Variants in GABPB1 observed in about 807,000 individuals in gnomAD.
The protein encoded by GABPB1 is GA binding protein transcription factor subunit beta 1.
A neutral mutation model predicts 45.9 loss-of-function variants in GABPB1; 15 were observed. The ratio of observed to expected loss-of-function variants is 0.33; its 90% confidence interval spans 0.22 to 0.50. GABPB1 has a LOEUF of 0.50. Ranked by LOEUF, GABPB1 falls within the 20% of genes least tolerant of loss-of-function variation. The pLI, the probability that GABPB1 is intolerant of heterozygous loss-of-function variation, is 0.98. For synonymous variants in GABPB1, 143 were observed against 154.4 expected (o/e 0.93, Z 0.55); for missense variants, 252 against 457.5 (o/e 0.55, Z 4.10).
At chr15:50,302,278 A>G (rs555085919) in intron 4 of GABPB1, among the ~76,000 whole-genome samples, 179 of 152,300 alleles carry the variant, frequency 1.2e-3, no homozygotes, top group African/African-American at 4.2e-3. Context: ...ATGTTTTTTA[A>G]TTTTTATAAA....
chr15:50,342,898 G>GT (rs773747222), intron 1 of GABPB1, among the ~76,000 whole-genome samples: 2 of 151,938 alleles, frequency 1.3e-5, no homozygotes, highest in Admixed American at 6.6e-5. Context: ...ATTTGTTTTT[G>GT]TTTGTTTGTT....
intron 1 of GABPB1, chr15:50,354,537 A>G (rs1567562294): frequency 2.2e-6 from 1 of 448,468 alleles, no homozygotes; most frequent in African/African-American, 2.1e-5. Context: ...CCGCGGCGCC[A>G]GAGGCCGAGG....
At chr15:50,322,137 A>C (rs2047593967) in intron 1 of GABPB1, among the ~76,000 whole-genome samples, 1 of 152,206 alleles carries the variant, frequency 6.6e-6, no homozygotes, top group African/African-American at 2.4e-5. Flanking sequence ...GGAAGCCAGA[A>C]CTTGTCTAAT....
At position 50,304,125 on chromosome 15, in the gene GABPB1, A is replaced by G; in HGVS notation, c.117T>C (p.Thr39=). 6.3e-7 allele frequency: 1 copy of G among 1,588,382 alleles called. No individual in the cohort carries two copies. The highest frequency in any genetic ancestry group is 8.5e-7 in the Non-Finnish European group (1 of 1,170,762). Reference sequence around the variant, plus strand: ...ACTGTGCTGCTAGATGAAGTGGAGAAGTTCCCAGCTGTACCACAGAAAAAA... The same window carrying G: ...ACTGTGCTGCTAGATGAAGTGGAGAGGTTCCCAGCTGTACCACAGAAAAAA... ...GAPFTTDWLG[T]SPLHLAAQYG... Residue 39 remains threonine, a synonymous_variant, in exon 3 of 9, where the codon ACT becomes ACC. Coordinates refer to ENST00000380877, the MANE Select transcript of GABPB1 (RefSeq NM_016654.5).
intron 1 of GABPB1, among the ~76,000 whole-genome samples, chr15:50,312,253 T>G (rs2141058042): frequency 6.6e-6 from 1 of 152,222 alleles, no homozygotes; most frequent in Admixed American, 6.5e-5. Context: ...TATTATATCC[T>G]GTAGTAAAGA....
At chr15:50,288,001 C>A (rs1018479232) in intron 7 of GABPB1, among the ~76,000 whole-genome samples, 1 of 152,180 alleles carries the variant, frequency 6.6e-6, no homozygotes, top group Non-Finnish European at 1.5e-5. Flanking sequence ...TCAAGCCCTG[C>A]CCTTCACTGG....
intron 1 of GABPB1, chr15:50,348,815 T>C (rs1435097532): frequency 6.6e-6 from 1 of 152,054 alleles, no homozygotes; most frequent in Non-Finnish European, 1.5e-5. Flanking sequence ...TGAGCTAAGA[T>C]CGTGCCACTG....
At chr15:50,336,200 A>C (rs1377960546) in intron 1 of GABPB1, among the ~76,000 whole-genome samples, 1 of 151,760 alleles carries the variant, frequency 6.6e-6, no homozygotes, top group Non-Finnish European at 1.5e-5. Context: ...AAATAACACA[A>C]AAATTAGCCA....
chr15:50,292,303 A>C (rs1330795201), intron 6 of GABPB1, among the ~76,000 whole-genome samples: 1 of 134,364 alleles, frequency 7.4e-6, no homozygotes, highest in Non-Finnish European at 1.5e-5. Flanking sequence ...CGACAGAGTG[A>C]GACTCCATCT....
At chr15:50,337,118 T>C (rs2048173012) in intron 1 of GABPB1, among the ~76,000 whole-genome samples, 1 of 8,280 alleles carries the variant, frequency 1.2e-4, no homozygotes, top group Non-Finnish European at 2.0e-4. Flanking sequence ...TATATATATA[T>C]ATATATATAT....
rs143952594 is a variant in GABPB1 at position 50,282,290 on chromosome 15, GAC to G, written c.1000-3508_1000-3507del. ...AGAAGAGATATGACCTGGATATGGT[GAC>G]TTATGCCAGTAATCTCAACTCTTCA... On this transcript the variant is annotated intron_variant, in intron 8 of 8. Coordinates refer to ENST00000380877, the MANE Select transcript of GABPB1 (RefSeq NM_016654.5). The G allele has an allele frequency of 5.8e-3, 2,637 of 455,438 alleles. 57 individuals carry two copies. The highest frequency in any genetic ancestry group is 0.049 in the African/African-American group (2,471 of 49,966). 28.2% of individuals were successfully genotyped at this position (455,438 alleles called of 1,614,324 possible).
intron 1 of GABPB1, among the ~76,000 whole-genome samples, chr15:50,340,849 G>T (rs2048333000): frequency 6.8e-6 from 1 of 147,892 alleles, no homozygotes; most frequent in Non-Finnish European, 1.5e-5. Flanking sequence ...GTATATTTCT[G>T]GTTTATTACA....
chr15:50,339,624 G>T (rs1174506965), intron 1 of GABPB1, among the ~76,000 whole-genome samples: 1 of 151,900 alleles, frequency 6.6e-6, no homozygotes, highest in Non-Finnish European at 1.5e-5. Context: ...GTGCTTATCA[G>T]TGTCCCTATT....
At chr15:50,341,612 A>C (rs1040117362) in intron 1 of GABPB1, among the ~76,000 whole-genome samples, 1 of 152,196 alleles carries the variant, frequency 6.6e-6, no homozygotes, top group African/African-American at 2.4e-5. Flanking sequence ...CATGAGCCTG[A>C]AATATGAATC....
chr15:50,278,430 G>T lies in GABPB1; in HGVS notation c.*202C>A. 1.7e-5 allele frequency: 6 copies of T among 362,458 alleles called. No individual in the cohort carries two copies. Among genetic ancestry groups the T allele is most frequent in the Non-Finnish European group, 2.4e-5 (5 of 204,906 alleles). 22.5% of individuals were successfully genotyped at this position (362,458 alleles called of 1,614,324 possible). On this transcript the variant is annotated 3_prime_UTR_variant, in exon 9 of 9. Transcript: ENST00000380877. ...TGTAAAAAAAAAAAAACTATTTACA[G>T]AATTCAGTTTTAAATACATTTCACA...
intron 1 of GABPB1, among the ~76,000 whole-genome samples, chr15:50,319,568 T>C (rs543578525): frequency 3.2e-4 from 48 of 152,348 alleles, no homozygotes; most frequent in African/African-American, 1.2e-3. Flanking sequence ...CTGGGCACAG[T>C]GGCTCATGCC....
chr15:50,299,045 A>G (rs2046629617), intron 6 of GABPB1, among the ~76,000 whole-genome samples: 2 of 152,148 alleles, frequency 1.3e-5, no homozygotes, highest in Admixed American at 1.3e-4. Context: ...TATTACAGTA[A>G]TATCCACCTT....
At chr15:50,286,358 T>G (rs1054529346) in intron 7 of GABPB1, among the ~76,000 whole-genome samples, 175 bp from the exon 8 acceptor site, 4 of 152,046 alleles carry the variant, frequency 2.6e-5, no homozygotes, top group Non-Finnish European at 5.9e-5. Flanking sequence ...TTTTATTACC[T>G]TCTTGCTTTT....
chr15:50,316,844 CAT>C (rs2047348545), intron 1 of GABPB1, among the ~76,000 whole-genome samples: 1 of 152,062 alleles, frequency 6.6e-6, no homozygotes, highest in Admixed American at 6.5e-5. Flanking sequence ...ACTAGACAGT[CAT>C]ATAATAAACT....
Sources: allele counts gnomAD v4.1 joint callset (sites outside exome capture counted in the v4.1 genomes callset), GRCh38; gene constraint gnomAD v4.1.1; transcripts MANE v1.5; gene names NCBI Gene and HGNC (gene_info 2026-07-23, HGNC 2026-07-21).